CCDC62: variants seen among roughly 807,000 people sequenced by gnomAD.
CCDC62 encodes the protein coiled-coil domain-containing protein 62.
CCDC62 carries 72 observed loss-of-function variants against 80.8 expected under a neutral mutation model. That is an observed-to-expected ratio of 0.89 (90% CI 0.74 to 1.08). CCDC62 has a LOEUF of 1.08. Ranked by LOEUF, CCDC62 falls within the 50% of genes least tolerant of loss-of-function variation. CCDC62 has a pLI of 0.00. For synonymous variants in CCDC62, 286 were observed against 296.5 expected, an observed-to-expected ratio of 0.96 and a Z score of 0.36; for missense variants, 704 against 809.4, an observed-to-expected ratio of 0.87 and a Z score of 1.58.
In CCDC62 at chr12:122,801,678, G is replaced by A. The variant is rs138584723; in HGVS notation, c.1532G>A (p.Cys511Tyr). 2.5e-6 allele frequency: 4 copies of A among 1,614,100 alleles called. No individual in the cohort carries two copies. The African/African-American group carries it at 5.3e-5, about 22-fold the overall frequency. The change falls in exon 9 of 13, where the codon TGT (cysteine) becomes TAT (tyrosine). Residue 511 changes from cysteine (C) to tyrosine (Y), a missense_variant. By Grantham distance (194) the Cys-to-Tyr change is radical (BLOSUM62 -2). Transcript: ENST00000253079. ...NEACLGESGM[C>Y]DSKCCHPSNF... ...GCCTGTCTGGGCGAAAGTGGCATGTGTGACTCCAAGTGCTGCCACCCGAGT... is the reference window on the plus strand; with the variant it reads ...GCCTGTCTGGGCGAAAGTGGCATGTATGACTCCAAGTGCTGCCACCCGAGT...
chr12:122,811,175 AAAAT>A (rs890402023), intron 10 of CCDC62, among the ~76,000 whole-genome samples: 33 of 151,260 alleles, frequency 2.2e-4, no homozygotes, highest in Non-Finnish European at 3.0e-4. Context: ...ATAATAATAA[AAAAT>A]AAATAAATAA....
In CCDC62 at chr12:122,808,343, A is replaced by G. The variant is rs547302551; in HGVS notation, c.1851+2048A>G. Among the ~76,000 whole-genome samples, 19 of 152,218 alleles carry G rather than the reference A, an allele frequency of 1.2e-4. No homozygotes were observed. In the South Asian group the frequency reaches 3.3e-3, roughly 27 times the overall value. On this transcript the variant is annotated intron_variant, in intron 10 of 12. Transcript: ENST00000253079. ...ACCGCAATTACTTTTGCACCAACCT[A>G]TTACCACAGTGATTTAGCCATTCAT...
Position 122,788,758 on chromosome 12 carries a change from G to T in CCDC62, c.499G>T (p.Asp167Tyr). The change falls in exon 5 of 13, where the codon GAC becomes TAC. Residue 167 changes from aspartate (D) to tyrosine (Y), a missense_variant and splice_region_variant. Physicochemically the swap from Asp to Tyr is radical, Grantham distance 160. Transcript: ENST00000253079. ...AACCATTTTCAAATTTGGTTTTTAG[G>T]ACAAAGATATTATTGAGGCAGTTAA... Reference protein sequence around the residue: ...QALTTMIKLKDKDIIEAVNHI... With the variant: ...QALTTMIKLKYKDIIEAVNHI... 6.5e-7 allele frequency: 1 copy of T among 1,544,480 alleles called. No individual in the cohort carries two copies. The highest frequency in any genetic ancestry group is 8.7e-7 in the Non-Finnish European group (1 of 1,149,848).
At chr12:122,805,681 A>T (rs1389667418) in intron 9 of CCDC62, among the ~76,000 whole-genome samples, 1 of 151,506 alleles carries the variant, frequency 6.6e-6, no homozygotes, top group Non-Finnish European at 1.5e-5. Flanking sequence ...CACCTAGCTA[A>T]TTTTTTGTAT....
Position 122,801,719 on chromosome 12 carries a change from GC to G in CCDC62, c.1577del (p.Pro526GlnfsTer10). 6.2e-7 allele frequency: 1 copy of G among 1,614,168 alleles called. No homozygotes were observed. Among genetic ancestry groups the G allele is most frequent in the Middle Eastern group, 1.6e-4 (1 of 6,062 alleles). On this transcript the variant is annotated frameshift_variant, in exon 9 of 13. Transcript: ENST00000253079. LOFTEE classifies it high-confidence loss of function. Reference sequence around the variant, plus strand: ...CCACCCGAGTAACTTCATAATTGAAGCCCCAGGCCACATGTCTGACGTGGAG... The same window carrying G: ...CCACCCGAGTAACTTCATAATTGAAGCCCAGGCCACATGTCTGACGTGGAG... The part of the protein sequence containing the change: ...CCHPSNFIIE[A>X]PGHMSDVEWM...
In CCDC62 at chr12:122,826,546, A is replaced by C; in HGVS notation, c.*165A>C. 4.2e-6 allele frequency: 3 copies of C among 707,044 alleles called. 1 individual carries two copies. The South Asian group carries it at 4.8e-5, about 11-fold the overall frequency. 43.8% of individuals were successfully genotyped at this position (707,044 alleles called of 1,614,324 possible). A position where few individuals can be genotyped will look rare whatever the true frequency, so the allele number is the denominator to read the frequency against. ...TAATTCCAGCTGGGAGCAGAACTAG[A>C]AAGTTAATTTTTAAACATCTACACT... On this transcript the variant is annotated 3_prime_UTR_variant, in exon 13 of 13. Transcript: ENST00000253079.
At chr12:122,793,170 A>C (rs2030733479) in intron 6 of CCDC62, among the ~76,000 whole-genome samples, 1 of 152,178 alleles carries the variant, frequency 6.6e-6, no homozygotes, top group African/African-American at 2.4e-5. Context: ...AAATTGTTGA[A>C]TATATCATGT....
intron 5 of CCDC62, 29 bp downstream of exon 5, chr12:122,788,958 A>T: frequency 2.0e-6 from 3 of 1,516,150 alleles, no homozygotes; most frequent in Non-Finnish European, 2.7e-6. Flanking sequence ...TTTAAGATAC[A>T]AATGTATTAT....
Position 122,774,675 on chromosome 12 carries a change from AC to A in CCDC62, c.8del (p.Pro3LeufsTer35). 8.0e-7 allele frequency: 1 copy of A among 1,253,782 alleles called. No homozygotes were observed. The highest frequency in any genetic ancestry group is 1.0e-6 in the Non-Finnish European group (1 of 990,632). 77.7% of individuals were successfully genotyped at this position (1,253,782 alleles called of 1,614,324 possible). ...CCGGGGGCGGAGGAAACACCTATGA[AC>A]CCTCCGGCAGCCTTCCTTGCCGGGC... Reference protein sequence around the residue: MNPPAAFLAGRQ... With the variant: MXPPAAFLAGRQ... On this transcript the variant is annotated frameshift_variant, in exon 1 of 13. Transcript: ENST00000253079. LOFTEE classifies it high-confidence loss of function.
intron 6 of CCDC62, 133 bp from the exon 7 acceptor site, chr12:122,797,174 A>G: frequency 1.8e-6 from 1 of 555,662 alleles, no homozygotes. Flanking sequence ...CACTTCGTTC[A>G]GCCCATTCTG....
At chr12:122,802,898 C>T (rs113377308) in intron 9 of CCDC62, among the ~76,000 whole-genome samples, 3,864 of 151,954 alleles carry the variant, frequency 0.025, 69 homozygotes, top group Non-Finnish European at 0.033. Flanking sequence ...GCATGGGTGG[C>T]AAACACGTGT....
chr12:122,802,410 C>CT (rs752001572), intron 9 of CCDC62, among the ~76,000 whole-genome samples: 4,562 of 126,820 alleles, frequency 0.036, 216 homozygotes, highest in African/African-American at 0.075. Context: ...TATCTCTACA[C>CT]TTTTTTTTTT....
chr12:122,808,921 C>G (rs999160171), intron 10 of CCDC62, among the ~76,000 whole-genome samples: 8 of 152,288 alleles, frequency 5.3e-5, no homozygotes, highest in African/African-American at 1.7e-4. Flanking sequence ...TCAATACTTG[C>G]AATGGTCAAT....
intron 12 of CCDC62, 67 bp from the exon 13 acceptor site, chr12:122,826,355 A>G: frequency 1.3e-6 from 1 of 763,126 alleles, no homozygotes. Flanking sequence ...CCAGGAGCTT[A>G]TAGCATGCTC....
chr12:122,784,696 A>G (rs2030102422), intron 3 of CCDC62, among the ~76,000 whole-genome samples: 1 of 152,086 alleles, frequency 6.6e-6, no homozygotes, highest in African/African-American at 2.4e-5. Flanking sequence ...TTAACTGGGC[A>G]TAATGGTGAG....
chr12:122,817,100 G>A (rs1215832854), intron 11 of CCDC62, among the ~76,000 whole-genome samples: 1 of 151,402 alleles, frequency 6.6e-6, no homozygotes, highest in Non-Finnish European at 1.5e-5. Flanking sequence ...CACCCAGGCT[G>A]GAGTGCAGTG....
intron 1 of CCDC62, chr12:122,776,650 C>T (rs1447467005): frequency 3.3e-5 from 5 of 151,864 alleles, no homozygotes; most frequent in African/African-American, 7.3e-5. Flanking sequence ...ATTAAATTGC[C>T]CTTAATAGAT....
chr12:122,814,115 C>T (rs1256242229), intron 11 of CCDC62, among the ~76,000 whole-genome samples: 2 of 151,636 alleles, frequency 1.3e-5, no homozygotes, highest in Admixed American at 1.3e-4. Flanking sequence ...AACCCCGTCT[C>T]TACTAAAAAT....
chr12:122,803,407 G>A (rs1170675620), intron 9 of CCDC62, among the ~76,000 whole-genome samples: 20 of 151,966 alleles, frequency 1.3e-4, no homozygotes, highest in Non-Finnish European at 2.9e-4. Context: ...TCTTATTGTT[G>A]GAATAGCTGA....
Sources: gnomAD v4.1 joint callset for allele counts (sites outside exome capture counted in the v4.1 genomes callset) on GRCh38, gnomAD v4.1.1 for gene constraint, MANE v1.5 for transcripts, NCBI Gene and HGNC (gene_info 2026-07-23, HGNC 2026-07-21) for gene names.